Variants in CENPO observed in about 807,000 individuals in gnomAD.
The protein encoded by CENPO is centromere protein O, also known as centromeric protein O.
Under a neutral mutation model 36.1 loss-of-function variants are expected in CENPO, and 30 were observed. The ratio of observed to expected loss-of-function variants is 0.83; its 90% confidence interval spans 0.62 to 1.13. The LOEUF is 1.13. CENPO is among the 50% of genes most tolerant of loss of function. The pLI is 0.00. For synonymous variants in CENPO, 171 were observed against 142.3 expected, an observed-to-expected ratio of 1.20 and a Z score of -1.44; for missense variants, 349 against 357.8, an observed-to-expected ratio of 0.98 and a Z score of 0.20.
At chr2:24,800,342 A>G (rs767276264) in intron 3 of CENPO, among the ~76,000 whole-genome samples, 1 of 152,212 alleles carries the variant, frequency 6.6e-6, no homozygotes, top group South Asian at 2.1e-4. Context: ...TTTTTTTATT[A>G]TACTTTAAGT....
intron 3 of CENPO, among the ~76,000 whole-genome samples, chr2:24,805,653 A>G (rs1369659580): frequency 6.6e-6 from 1 of 152,222 alleles, no homozygotes; most frequent in Non-Finnish European, 1.5e-5. Context: ...GTTGGTGAAC[A>G]GCAAATGCTG....
chr2:24,797,950 G>T (rs1665984578), intron 2 of CENPO, among the ~76,000 whole-genome samples: 1 of 152,146 alleles, frequency 6.6e-6, no homozygotes, highest in African/African-American at 2.4e-5. Flanking sequence ...AGTACAAGTT[G>T]AGCACTGAAG....
chr2:24,813,991 T>C (rs1460643008), intron 3 of CENPO, among the ~76,000 whole-genome samples: 3 of 152,218 alleles, frequency 2.0e-5, no homozygotes, highest in Non-Finnish European at 4.4e-5. Context: ...AGCGTAAGCC[T>C]TGGAGCCCTG....
chr2:24,797,545 CAAG>C (rs376158733), intron 2 of CENPO, among the ~76,000 whole-genome samples: 8 of 152,024 alleles, frequency 5.3e-5, no homozygotes, highest in African/African-American at 1.9e-4. Flanking sequence ...ATTTAATGGT[CAAG>C]GAGGAGAGTA....
intron 2 of CENPO, 90 bp downstream of exon 2, chr2:24,794,055 A>C: frequency 9.9e-7 from 1 of 1,007,278 alleles, no homozygotes; most frequent in Non-Finnish European, 1.6e-6. Flanking sequence ...CTGACGTGGG[A>C]CCTGGCCTGT....
intron 3 of CENPO, among the ~76,000 whole-genome samples, chr2:24,801,251 G>C (rs1365694198): frequency 6.6e-6 from 1 of 152,042 alleles, no homozygotes; most frequent in African/African-American, 2.4e-5. Context: ...GAGTAGATTG[G>C]AAAAATTTTC....
At chr2:24,797,765 T>G (rs1216115647) in intron 2 of CENPO, among the ~76,000 whole-genome samples, 1 of 152,150 alleles carries the variant, frequency 6.6e-6, no homozygotes. Context: ...AAGGTGGTGA[T>G]CAGTAGGAGC....
rs70947848 is a variant in CENPO, at chr2:24,811,282, C to CTTTTTTTTTTT, written c.217-3087_217-3077dup. ...TTAATTGGAGTATTTAGTCCATGAA[C>CTTTTTTTTTTT]TTTTTTTTTTTTTTTTTGAGACGGA... On this transcript the variant is annotated intron_variant, in intron 3 of 7. Coordinates refer to ENST00000380834, the MANE Select transcript of CENPO (RefSeq NM_001322101.2). 4.0e-3 allele frequency among the ~76,000 whole-genome samples: 424 copies of CTTTTTTTTTTT among 105,490 alleles called. 35 individuals carry two copies. Among genetic ancestry groups the CTTTTTTTTTTT allele is most frequent in the African/African-American group, 0.011 (302 of 26,340 alleles). The allele number at this position is 105,490 out of a possible 152,430, so 69.2% of individuals were successfully genotyped here. A position where few individuals can be genotyped will look rare whatever the true frequency, so the allele number is the denominator to read the frequency against.
At chr2:24,815,345 C>T in intron 4 of CENPO, 152 bp from the exon 5 acceptor site, 1 of 643,512 alleles carries the variant, frequency 1.6e-6, no homozygotes, top group Non-Finnish European at 2.8e-6. Flanking sequence ...GAGCCGGAGC[C>T]AAGGGGAAGA....
At chr2:24,816,933 C>T in intron 6 of CENPO, 116 bp downstream of exon 6, 1 of 918,500 alleles carries the variant, frequency 1.1e-6, no homozygotes, top group South Asian at 2.0e-5. Context: ...TGTTTATATA[C>T]TGTACATTAC....
intron 6 of CENPO, 106 bp from the exon 7 acceptor site, chr2:24,817,564 C>T (rs1667010473): frequency 6.9e-7 from 1 of 1,443,412 alleles, no homozygotes; most frequent in Non-Finnish European, 9.5e-7. Flanking sequence ...GTCAGTGATC[C>T]AGGCTCCGAT....
In CENPO at chr2:24,821,049, C is replaced by CG; in HGVS notation, c.*1731_*1732insG. The CG allele has an allele frequency of 1.6e-6, 1 of 606,900 alleles. No individual in the cohort carries two copies. Among genetic ancestry groups the CG allele is most frequent in the South Asian group, 2.3e-5 (1 of 43,446 alleles). 37.6% of individuals were successfully genotyped at this position (606,900 alleles called of 1,614,324 possible). A position where few individuals can be genotyped will look rare whatever the true frequency, so the allele number is the denominator to read the frequency against. ...GTGCTTGTTAGGTGTCAGCCGCCAC[C>CG]CCCCCCCCATATGCAGATTTACTCG... On this transcript the variant is annotated 3_prime_UTR_variant, in exon 8 of 8. Transcript: ENST00000380834.
At chr2:24,814,158 CTT>C (rs1666830804) in intron 3 of CENPO, among the ~76,000 whole-genome samples, 1 of 152,204 alleles carries the variant, frequency 6.6e-6, no homozygotes, top group Admixed American at 6.5e-5. Flanking sequence ...TCGAATTGTT[CTT>C]CAGACCTGTA....
chr2:24,811,248 GT>G (rs1347843915), intron 3 of CENPO, among the ~76,000 whole-genome samples: 1 of 135,312 alleles, frequency 7.4e-6, no homozygotes, highest in Non-Finnish European at 1.6e-5. Context: ...CCTGGCCAAT[GT>G]TTGTCTTTTA....
At chr2:24,793,986 T>G in intron 2 of CENPO, 21 bp downstream of exon 2, 1 of 1,568,346 alleles carries the variant, frequency 6.4e-7, no homozygotes, top group Admixed American at 1.7e-5. Context: ...GGTCGCCGCC[T>G]CCTTCCTGCT....
chr2:24,803,192 T>TA (rs1466866675), intron 3 of CENPO, among the ~76,000 whole-genome samples: 42 of 150,548 alleles, frequency 2.8e-4, no homozygotes, highest in Non-Finnish European at 5.8e-4. Context: ...TATCATTTTT[T>TA]ATTGCGTCTA....
At chr2:24,795,626 T>TATC (rs750956011) in intron 2 of CENPO, among the ~76,000 whole-genome samples, 1 of 152,174 alleles carries the variant, frequency 6.6e-6, no homozygotes, top group Non-Finnish European at 1.5e-5. Flanking sequence ...AACACCTACT[T>TATC]ATCTCAGAAA....
At chr2:24,817,903 A>G in intron 7 of CENPO, 62 bp downstream of exon 7, 1 of 1,391,088 alleles carries the variant, frequency 7.2e-7, no homozygotes, top group Non-Finnish European at 9.9e-7. Context: ...AGGGTACATC[A>G]CCCTTCTGAT....
In CENPO at chr2:24,820,685, C is replaced by A. The variant is rs760683528; in HGVS notation, c.*1367C>A. 1.2e-6 allele frequency: 2 copies of A among 1,612,050 alleles called. No homozygotes were observed. Among genetic ancestry groups the A allele is most frequent in the South Asian group, 1.1e-5 (1 of 90,778 alleles). On this transcript the variant is annotated 3_prime_UTR_variant, in exon 8 of 8. Transcript: ENST00000380834. ...GCACTGTTCCGGTTTTGTTCTCATG[C>A]CGAGTCTGAGCACGTGCCAGCTGTG...
Sources: allele counts gnomAD v4.1 joint callset (sites outside exome capture counted in the v4.1 genomes callset), GRCh38; gene constraint gnomAD v4.1.1; transcripts MANE v1.5; gene names NCBI Gene and HGNC (gene_info 2026-07-23, HGNC 2026-07-21).